Variants in TFEC observed in about 807,000 individuals in gnomAD.
TFEC encodes the protein class E basic helix-loop-helix protein 34.
In TFEC, 31 loss-of-function variants were observed where a neutral mutation model predicts 41.6. The ratio of observed to expected loss-of-function variants is 0.74; its 90% confidence interval spans 0.56 to 1.01. The LOEUF (loss-of-function observed/expected upper bound fraction) is 1.01, where lower values mean the gene tolerates loss of function less well. Ranked by LOEUF, TFEC falls within the 50% of genes least tolerant of loss-of-function variation. The pLI is 0.00. For missense variants in TFEC, 402 were observed against 404.1 expected, an observed-to-expected ratio of 0.99 and a Z score of 0.04; for synonymous variants, 143 against 140.6, an observed-to-expected ratio of 1.02 and a Z score of -0.12.
intron 3 of TFEC, among the ~76,000 whole-genome samples, chr7:116,080,779 G>C (rs1797068691): frequency 6.6e-6 from 1 of 152,076 alleles, no homozygotes; most frequent in Non-Finnish European, 1.5e-5. Flanking sequence ...AAACAGTGTG[G>C]AGATTCCTTA....
rs1433862509 is a variant in TFEC, at chr7:116,030,713, C to A, written c.-153G>T. 2.0e-6 allele frequency: 2 copies of A among 985,206 alleles called. No homozygotes were observed. Among genetic ancestry groups the A allele is most frequent in the East Asian group, 2.3e-4 (2 of 8,826 alleles). The allele number at this position is 985,206 out of a possible 1,614,324, so 61.0% of individuals were successfully genotyped here. Reference sequence around the variant, plus strand: ...AATCCCTCTTCCCATAACATATGCACCATGCCAGAAGGGACAACCAAAGTA... The same window carrying A: ...AATCCCTCTTCCCATAACATATGCAACATGCCAGAAGGGACAACCAAAGTA... On this transcript the variant is annotated 5_prime_UTR_variant, in exon 1 of 8. Coordinates refer to ENST00000265440, the MANE Select transcript of TFEC (RefSeq NM_012252.4).
At chr7:116,039,027 C>T (rs1163677878) in intron 3 of TFEC, among the ~76,000 whole-genome samples, 1 of 152,066 alleles carries the variant, frequency 6.6e-6, no homozygotes, top group South Asian at 2.1e-4. Flanking sequence ...TTCATCACTT[C>T]TATCCATCAT....
chr7:116,005,780 G>A (rs995446965), intron 1 of TFEC, among the ~76,000 whole-genome samples: 1 of 152,188 alleles, frequency 6.6e-6, no homozygotes, highest in Non-Finnish European at 1.5e-5. Flanking sequence ...CAGAGACCTT[G>A]GAAGCAGCCT....
intron 3 of TFEC, among the ~76,000 whole-genome samples, chr7:116,072,378 G>A (rs1394960250): frequency 6.6e-6 from 1 of 151,544 alleles, no homozygotes; most frequent in Admixed American, 6.6e-5. Context: ...GTACTCAGCT[G>A]TAGCTACAAT....
intron 1 of TFEC, among the ~76,000 whole-genome samples, chr7:116,118,316 A>G (rs975294092): frequency 6.6e-6 from 1 of 151,942 alleles, no homozygotes; most frequent in Admixed American, 6.6e-5. Flanking sequence ...TCCATTTCAA[A>G]TAAGTTCGGA....
At chr7:116,048,724 T>C (rs1281291365) in intron 3 of TFEC, among the ~76,000 whole-genome samples, 16 of 152,160 alleles carry the variant, frequency 1.1e-4, no homozygotes, top group Middle Eastern at 3.4e-3. Context: ...TTAAGGGCAA[T>C]CAGAGAGAAA....
chr7:115,982,024 A>G (rs1202505787), intron 2 of TFEC, among the ~76,000 whole-genome samples: 1 of 152,142 alleles, frequency 6.6e-6, no homozygotes, highest in Non-Finnish European at 1.5e-5. Flanking sequence ...ATGTTACAAA[A>G]TGCTTCTTTT....
At chr7:115,958,681 G>T (rs1005087603) in intron 3 of TFEC, among the ~76,000 whole-genome samples, 1 of 151,756 alleles carries the variant, frequency 6.6e-6, no homozygotes, top group Non-Finnish European at 1.5e-5. Context: ...TTAGAAATGG[G>T]GTTTAAATTC....
chr7:116,080,380 G>C (rs1315736018), intron 3 of TFEC, among the ~76,000 whole-genome samples: 1 of 152,090 alleles, frequency 6.6e-6, no homozygotes, highest in Non-Finnish European at 1.5e-5. Flanking sequence ...AGAGTGAAAA[G>C]ACAACCCACA....
At chr7:116,035,947 TA>T (rs1221493425) in intron 3 of TFEC, among the ~76,000 whole-genome samples, 1 of 152,052 alleles carries the variant, frequency 6.6e-6, no homozygotes, top group Non-Finnish European at 1.5e-5. Flanking sequence ...GACTACTTTG[TA>T]ATCCACACAG....
intron 1 of TFEC, among the ~76,000 whole-genome samples, chr7:116,020,560 A>C (rs1387747754): frequency 6.6e-6 from 1 of 152,222 alleles, no homozygotes; most frequent in Admixed American, 6.5e-5. Flanking sequence ...TGCTAAAAAC[A>C]ATCATAATAT....
intron 2 of TFEC, among the ~76,000 whole-genome samples, chr7:115,975,650 TA>T (rs1192446508): frequency 6.6e-6 from 1 of 152,128 alleles, no homozygotes; most frequent in East Asian, 1.9e-4. Context: ...AACAGACCCA[TA>T]AACAGCTTAA....
intron 1 of TFEC, among the ~76,000 whole-genome samples, chr7:115,996,569 C>T (rs1306995141): frequency 1.3e-5 from 2 of 151,882 alleles, no homozygotes; most frequent in African/African-American, 4.8e-5. Context: ...GTAAAGAAGA[C>T]TTTGTCTTGC....
At position 115,938,819 on chromosome 7, in the gene TFEC, AATACTATATTATTTCACC is replaced by A. The variant is rs1196322891; in HGVS notation, c.*1714_*1731del. On this transcript the variant is annotated 3_prime_UTR_variant, in exon 8 of 8. Coordinates refer to ENST00000265440, the MANE Select transcript of TFEC (RefSeq NM_012252.4). Reference sequence around the variant, plus strand: ...TAAAAAGATTTGTTTCTATTATATTAATACTATATTATTTCACCATAGTTTTCTAAGGGCCTTCACAAC... The same window carrying A: ...TAAAAAGATTTGTTTCTATTATATTAATAGTTTTCTAAGGGCCTTCACAAC... 1 of 151,914 alleles carries A rather than the reference AATACTATATTATTTCACC, an allele frequency of 6.6e-6. No homozygotes were observed. The allele number at this position is 151,914 out of a possible 1,614,324, so 9.4% of individuals were successfully genotyped here. A position where few individuals can be genotyped will look rare whatever the true frequency, so the allele number is the denominator to read the frequency against.
At chr7:115,964,686 G>C (rs1160898918) in intron 3 of TFEC, among the ~76,000 whole-genome samples, 1 of 151,510 alleles carries the variant, frequency 6.6e-6, no homozygotes, top group Non-Finnish European at 1.5e-5. Context: ...TAAATAATAT[G>C]TCTGAAACTT....
intron 1 of TFEC, among the ~76,000 whole-genome samples, chr7:116,030,119 A>G (rs1312820610): frequency 6.6e-6 from 1 of 152,162 alleles, no homozygotes; most frequent in Admixed American, 6.6e-5. Context: ...AGCTATTTAG[A>G]TCCACATCTA....
intron 3 of TFEC, among the ~76,000 whole-genome samples, chr7:116,070,965 A>C (rs1796813188): frequency 6.6e-6 from 1 of 151,414 alleles, no homozygotes. Flanking sequence ...ATTAATGCAC[A>C]ATCAAATCGA....
chr7:116,022,287 G>A (rs1483453038), intron 1 of TFEC, among the ~76,000 whole-genome samples: 2 of 152,150 alleles, frequency 1.3e-5, no homozygotes, highest in African/African-American at 4.8e-5. Flanking sequence ...GAAATTTTAA[G>A]AATCCCCTTA....
At chr7:116,159,383 T>C (rs776243174) in intron 1 of TFEC, among the ~76,000 whole-genome samples, 34 of 152,076 alleles carry the variant, frequency 2.2e-4, no homozygotes, top group Middle Eastern at 3.4e-3. Flanking sequence ...TTATATATAA[T>C]AATTATATTT....
Sources: allele counts gnomAD v4.1 joint callset (sites outside exome capture counted in the v4.1 genomes callset), GRCh38; gene constraint gnomAD v4.1.1; transcripts MANE v1.5; gene names NCBI Gene and HGNC (gene_info 2026-07-23, HGNC 2026-07-21).